The following UNC79 variants were observed in gnomAD, a reference collection of about 807,000 sequenced individuals.
UNC79 encodes the protein protein unc-79 homolog.
A neutral mutation model predicts 283.1 loss-of-function variants in UNC79; 37 were observed. The observed-to-expected ratio is 0.13, with a 90% CI of 0.10 to 0.17. The LOEUF (loss-of-function observed/expected upper bound fraction) is 0.17, where lower values mean the gene tolerates loss of function less well. UNC79 is among the 10% of genes least tolerant of loss of function. The pLI, the probability that UNC79 is intolerant of heterozygous loss-of-function variation, is 1.00. For synonymous variants in UNC79, 1,107 were observed against 1,200.2 expected (o/e 0.92, Z 1.61); for missense variants, 2,272 against 3,211.1 (o/e 0.71, Z 7.07).
At chr14:93,443,686 G>A (rs138307287) in intron 1 of UNC79, among the ~76,000 whole-genome samples, 5,149 of 152,278 alleles carry the variant, frequency 0.034, 182 homozygotes, top group Admixed American at 0.11. Context: ...GCCTCCCAAA[G>A]TGCTGGGATT....
chr14:93,550,824 A>G (rs2061854455), intron 14 of UNC79, among the ~76,000 whole-genome samples: 1 of 152,030 alleles, frequency 6.6e-6, no homozygotes, highest in Non-Finnish European at 1.5e-5. Flanking sequence ...ATAAGAAGAT[A>G]CCACATACAC....
intron 14 of UNC79, among the ~76,000 whole-genome samples, chr14:93,547,137 C>T (rs1451902324): frequency 6.6e-6 from 1 of 152,096 alleles, no homozygotes; most frequent in Non-Finnish European, 1.5e-5. Context: ...AATATTTTGT[C>T]ATTGTTGTCT....
intron 7 of UNC79, among the ~76,000 whole-genome samples, chr14:93,505,105 A>G (rs2059464718): frequency 6.6e-6 from 1 of 152,122 alleles, no homozygotes. Context: ...AAAAGAACTC[A>G]AGAATGTAAA....
chr14:93,653,630 T>A, intron 35 of UNC79, 112 bp from the exon 39 acceptor site: 1 of 887,250 alleles, frequency 1.1e-6, no homozygotes, highest in East Asian at 2.4e-5. Context: ...AACATGACAG[T>A]GAGCTATCCC....
At chr14:93,615,673 A>G (rs899186296) in intron 27 of UNC79, among the ~76,000 whole-genome samples, 15 of 136,994 alleles carry the variant, frequency 1.1e-4, no homozygotes, top group African/African-American at 4.0e-4. Context: ...GTGAGCCAAG[A>G]TTGCACCACT....
chr14:93,478,293 A>C (rs891135431), intron 4 of UNC79, among the ~76,000 whole-genome samples: 1 of 152,244 alleles, frequency 6.6e-6, no homozygotes, highest in African/African-American at 2.4e-5. Flanking sequence ...CTTCCAAGTC[A>C]TGTGCAATGT....
chr14:93,662,772 C>T, intron 40 of UNC79, 58 bp downstream of exon 43: 1 of 1,361,996 alleles, frequency 7.3e-7, no homozygotes. Flanking sequence ...GAAATATATT[C>T]TTTTGAATCA....
chr14:93,700,906 C>T (rs1476876167), intron 47 of UNC79, among the ~76,000 whole-genome samples: 1 of 151,688 alleles, frequency 6.6e-6, no homozygotes, highest in Non-Finnish European at 1.5e-5. Context: ...ATTTTCGGGT[C>T]GTTTTTTCTC....
intron 1 of UNC79, among the ~76,000 whole-genome samples, chr14:93,435,316 A>G (rs1421234475): frequency 2.0e-5 from 3 of 152,140 alleles, no homozygotes; most frequent in Non-Finnish European, 4.4e-5. Flanking sequence ...ATTTGACACT[A>G]GTTGCTGCAT....
At chr14:93,623,315 G>C (rs2067283825) in intron 30 of UNC79, among the ~76,000 whole-genome samples, 1 of 152,070 alleles carries the variant, frequency 6.6e-6, no homozygotes, top group South Asian at 2.1e-4. Flanking sequence ...TCACTTACAG[G>C]GCATACAGCT....
chr14:93,679,291 T>C (rs1186723194), intron 41 of UNC79, among the ~76,000 whole-genome samples: 1 of 152,088 alleles, frequency 6.6e-6, no homozygotes, highest in African/African-American at 2.4e-5. Flanking sequence ...AAACCCCGTC[T>C]CTACTAAAAA....
At chr14:93,513,643 A>G (rs1385740807) in intron 7 of UNC79, among the ~76,000 whole-genome samples, 1 of 152,078 alleles carries the variant, frequency 6.6e-6, no homozygotes, top group African/African-American at 2.4e-5. Flanking sequence ...CACCTCAAGG[A>G]TTTATTATTT....
At chr14:93,662,931 C>T (rs1403247359) in intron 40 of UNC79, among the ~76,000 whole-genome samples, 3 of 151,974 alleles carry the variant, frequency 2.0e-5, no homozygotes, top group African/African-American at 4.8e-5. Flanking sequence ...CTAAAATATG[C>T]ACATATGCAG....
At chr14:93,498,540 G>A (rs536229567) in intron 7 of UNC79, among the ~76,000 whole-genome samples, 106 of 151,628 alleles carry the variant, frequency 7.0e-4, no homozygotes, top group African/African-American at 2.5e-3. Context: ...GTGGTGAGCC[G>A]AGATCAAGCC....
chr14:93,472,972 C>CA (rs1306731044), intron 2 of UNC79, among the ~76,000 whole-genome samples: 3 of 152,104 alleles, frequency 2.0e-5, no homozygotes, highest in African/African-American at 7.2e-5. Flanking sequence ...AAAACCTAAA[C>CA]ATTTTGCTAA....
At chr14:93,603,866 C>A (rs1301913275) in intron 26 of UNC79, among the ~76,000 whole-genome samples, 1 of 151,894 alleles carries the variant, frequency 6.6e-6, no homozygotes, top group Non-Finnish European at 1.5e-5. Context: ...CCACACAAGC[C>A]CCCTAAGACA....
chr14:93,399,843 T>C (rs1566912721), intron 1 of UNC79, among the ~76,000 whole-genome samples: 1 of 152,172 alleles, frequency 6.6e-6, no homozygotes, highest in East Asian at 1.9e-4. Flanking sequence ...TATATACATG[T>C]GTGTGTATAG....
rs970134439 is a variant in UNC79, at chr14:93,464,763, G to A, written c.23-2908G>A. ...ATTGGGCCCAATTATTCGAGCCTCC[G>A]CAGCAGCAGTCAGGTATATGTGTGG... On this transcript the variant is annotated intron_variant, in intron 1 of 48. Transcript: ENST00000555664. Among the ~76,000 whole-genome samples the A allele has an allele frequency of 5.9e-5, 9 of 152,196 alleles. No individual in the cohort carries two copies. In the South Asian group the frequency reaches 6.2e-4, roughly 11 times the overall value.
At position 93,638,806 on chromosome 14, in the gene UNC79, G is replaced by A. The variant is rs561266228; in HGVS notation, c.5800+1507G>A. ...CTTATTGTGACTGAAGTATAACAACGGTGGCTGAGGTCTGTGGCTTCCTTT... is the reference window on the plus strand; with the variant it reads ...CTTATTGTGACTGAAGTATAACAACAGTGGCTGAGGTCTGTGGCTTCCTTT... On this transcript the variant is annotated intron_variant, in intron 32 of 48. Coordinates refer to ENST00000555664, the Ensembl canonical transcript of UNC79. Among the ~76,000 whole-genome samples the A allele has an allele frequency of 3.5e-4, 53 of 152,254 alleles. No homozygotes were observed. The South Asian group carries it at 4.2e-3, about 12-fold the overall frequency.
Sources: allele counts gnomAD v4.1 joint callset (sites outside exome capture counted in the v4.1 genomes callset), GRCh38; gene constraint gnomAD v4.1.1; transcripts MANE v1.5; gene names NCBI Gene and HGNC (gene_info 2026-07-23, HGNC 2026-07-21).